The following ARMC2 variants were observed in gnomAD, a reference collection of about 807,000 sequenced individuals.
ARMC2 encodes armadillo repeat-containing protein 2.
In ARMC2, 67 loss-of-function variants were observed where a neutral mutation model predicts 90.3. The ratio of observed to expected loss-of-function variants is 0.74; its 90% CI spans 0.61 to 0.91. The LOEUF (loss-of-function observed/expected upper bound fraction) is 0.91, where lower values mean the gene tolerates loss of function less well. Among genes scored for constraint, ARMC2 ranks in the 40% least tolerant of loss-of-function variants. The pLI, the probability that ARMC2 is intolerant of heterozygous loss-of-function variation, is 0.00. For missense variants in ARMC2, 920 were observed against 1,030.9 expected (o/e 0.89, Z 1.47); for synonymous variants, 393 against 393.0 (o/e 1.00, Z 0.00).
At position 108,858,258 on chromosome 6, in the gene ARMC2, G is replaced by A; in HGVS notation, c.278G>A (p.Ser93Asn). The A allele has an allele frequency of 6.2e-7, 1 of 1,608,622 alleles. No individual in the cohort carries two copies. The highest frequency in any genetic ancestry group is 8.5e-7 in the Non-Finnish European group (1 of 1,176,116). The change falls in exon 3 of 18, where the codon AGT becomes AAT. Residue 93 changes from serine to asparagine, a missense_variant. By Grantham distance (46) the Ser-to-Asn change is conservative. Transcript: ENST00000392644. ...DSRPISGTRL[S>N]PLELKPKVPA... ...AGGCCTATCTCTGGCACACGTCTTA[G>A]TCCACTAGAGCTGGTGAGTACTTTG...
the ARMC2 span, among the ~76,000 whole-genome samples, chr6:108,991,876 G>A: frequency 1.7e-4 from 26 of 152,230 alleles, no homozygotes; most frequent in East Asian, 7.7e-4. Flanking sequence ...GAAGCTCTCA[G>A]CAGCCAACCA....
chr6:108,890,976 A>G (rs1770968429), intron 5 of ARMC2, among the ~76,000 whole-genome samples: 1 of 146,006 alleles, frequency 6.8e-6, no homozygotes, highest in South Asian at 2.2e-4. Context: ...TCATTGTTCA[A>G]CTCCCACTTA....
chr6:109,008,913 A>T, the ARMC2 span: 1 of 987,554 alleles, frequency 1.0e-6, no homozygotes, highest in Non-Finnish European at 1.2e-6. Context: ...GTAGGAGGCA[A>T]AGGGGATGAA....
At chr6:108,963,491 G>A (rs1452075609) in intron 15 of ARMC2, among the ~76,000 whole-genome samples, 1 of 152,198 alleles carries the variant, frequency 6.6e-6, no homozygotes, top group African/African-American at 2.4e-5. Context: ...AACAGGGCCG[G>A]GGCTAGAACA....
chr6:108,963,247 T>C (rs1454095311), intron 15 of ARMC2, among the ~76,000 whole-genome samples: 1 of 152,232 alleles, frequency 6.6e-6, no homozygotes, highest in Non-Finnish European at 1.5e-5. Context: ...TTAGTATACT[T>C]TGACTCTTTG....
intron 12 of ARMC2, among the ~76,000 whole-genome samples, chr6:108,940,958 T>C (rs1776386561): frequency 1.3e-5 from 2 of 152,062 alleles, no homozygotes; most frequent in Non-Finnish European, 2.9e-5. Flanking sequence ...AGACCTCATC[T>C]CTATAAACAA....
chr6:108,870,519 CAG>C lies in ARMC2; in HGVS notation c.463+1526_463+1527del, dbSNP rs1314241113. On this transcript the variant is annotated intron_variant, in intron 4 of 17. Coordinates refer to ENST00000392644, the MANE Select transcript of ARMC2 (RefSeq NM_032131.6). The stretch of plus-strand genomic sequence containing the variant: ...AGAAAGAGAGAGAGAAAGAGAGAGA[CAG>C]AAAGAGAAAGGAAGGTAGGAAGGAA... Among the ~76,000 whole-genome samples, 626 of 135,032 alleles carry C rather than the reference CAG, an allele frequency of 4.6e-3. 4 individuals are homozygous for C. The highest frequency in any genetic ancestry group is 0.017 in the African/African-American group (592 of 35,648). 88.6% of individuals were successfully genotyped at this position (135,032 alleles called of 152,430 possible). A position where few individuals can be genotyped will look rare whatever the true frequency, so the allele number is the denominator to read the frequency against.
At chr6:109,008,354 T>C in the ARMC2 span, among the ~76,000 whole-genome samples, 1 of 152,236 alleles carries the variant, frequency 6.6e-6, no homozygotes, top group Non-Finnish European at 1.5e-5. Context: ...TTGGTAAAGT[T>C]TCCAAAGCGA....
downstream of ARMC2, among the ~76,000 whole-genome samples, chr6:108,977,234 C>A (rs139306421): frequency 6.6e-6 from 1 of 152,106 alleles, no homozygotes; most frequent in Non-Finnish European, 1.5e-5. Flanking sequence ...TGTCAAAGGC[C>A]TTTTCTGCAT....
At chr6:108,871,606 T>G (rs1776424383) in intron 4 of ARMC2, among the ~76,000 whole-genome samples, 1 of 152,194 alleles carries the variant, frequency 6.6e-6, no homozygotes, top group Non-Finnish European at 1.5e-5. Flanking sequence ...TTTTAACTTT[T>G]GGGAGTGCAT....
At chr6:108,939,478 G>GCT (rs1047883028) in intron 12 of ARMC2, among the ~76,000 whole-genome samples, 14 of 152,008 alleles carry the variant, frequency 9.2e-5, no homozygotes, top group African/African-American at 3.1e-4. Flanking sequence ...ACCTCCCCCT[G>GCT]CTCTCTCTCT....
chr6:108,956,754 G>A (rs904088823), intron 13 of ARMC2, among the ~76,000 whole-genome samples: 10 of 152,058 alleles, frequency 6.6e-5, no homozygotes, highest in African/African-American at 2.4e-4. Context: ...CACTTTGGGA[G>A]GCTGAGGTGG....
intron 5 of ARMC2, among the ~76,000 whole-genome samples, chr6:108,881,277 C>T (rs2097154935): frequency 1.5e-5 from 2 of 132,220 alleles, no homozygotes; most frequent in African/African-American, 3.1e-5. Flanking sequence ...TTCTTCTCTC[C>T]CTCCCCTCCC....
At chr6:108,856,126 A>G (rs1187041321) in intron 2 of ARMC2, among the ~76,000 whole-genome samples, 1 of 152,182 alleles carries the variant, frequency 6.6e-6, no homozygotes, top group Non-Finnish European at 1.5e-5. Flanking sequence ...AAGTCATCGC[A>G]ATACGCAAGG....
At chr6:108,898,251 G>GTCTCTGTCTCTCTGTCTT (rs1771792299) in intron 6 of ARMC2, among the ~76,000 whole-genome samples, 1 of 152,118 alleles carries the variant, frequency 6.6e-6, no homozygotes, top group South Asian at 2.1e-4. Context: ...TCCTCTGTCT[G>GTCTCTGTCTCTCTGTCTT]TCTCTGTCTC....
rs142459949 is a variant in ARMC2 at position 108,891,903 on chromosome 6, C to A, written c.672-2564C>A. On this transcript the variant is annotated intron_variant, in intron 5 of 17. Coordinates refer to ENST00000392644, the MANE Select transcript of ARMC2 (RefSeq NM_032131.6). The stretch of plus-strand genomic sequence containing the variant: ...AGGTCTTATGTTTAAGTCTTTAATC[C>A]ATCTTGAGTTAATTAGTTCTGTGCT... Among the ~76,000 whole-genome samples, 6 of 150,446 alleles carry A rather than the reference C, an allele frequency of 4.0e-5. No individual in the cohort carries two copies. The Admixed American group carries it at 4.0e-4, about 10-fold the overall frequency.
chr6:108,907,775 C>T, intron 8 of ARMC2: 1 of 1,610,992 alleles, frequency 6.2e-7, no homozygotes, highest in Non-Finnish European at 8.5e-7. Flanking sequence ...TCCGAAAATG[C>T]CACTAGGGCT....
chr6:109,052,448 T>C, the ARMC2 span, among the ~76,000 whole-genome samples: 1 of 152,198 alleles, frequency 6.6e-6, no homozygotes, highest in Non-Finnish European at 1.5e-5. Context: ...AACACACTGG[T>C]ATATTTACTT....
At chr6:108,940,858 G>A (rs906727756) in intron 12 of ARMC2, among the ~76,000 whole-genome samples, 5 of 152,184 alleles carry the variant, frequency 3.3e-5, no homozygotes, top group Admixed American at 6.5e-5. Flanking sequence ...TAAGCCAGGC[G>A]TGGTGGTGCA....
Sources: allele counts gnomAD v4.1 joint callset (sites outside exome capture counted in the v4.1 genomes callset), GRCh38; gene constraint gnomAD v4.1.1; transcripts MANE v1.5; gene names NCBI Gene and HGNC (gene_info 2026-07-23, HGNC 2026-07-21).